Variants in C1orf141 observed in about 807,000 individuals in gnomAD.
The protein encoded by C1orf141 is uncharacterized protein C1orf141.
Under a neutral mutation model 23.2 loss-of-function variants are expected in C1orf141, and 19 were observed. The observed-to-expected ratio is 0.82, with a 90% CI of 0.57 to 1.20. C1orf141 has a LOEUF of 1.20. Among genes scored for constraint, C1orf141 ranks in the 50% most tolerant of loss-of-function variants. C1orf141 has a pLI of 0.00. For missense variants in C1orf141, 469 were observed against 455.1 expected, an observed-to-expected ratio of 1.03 and a Z score of -0.28; for synonymous variants, 153 against 154.6, an observed-to-expected ratio of 0.99 and a Z score of 0.08.
intron 5 of C1orf141, among the ~76,000 whole-genome samples, chr1:67,111,246 T>C (rs1035734958): frequency 2.6e-5 from 4 of 152,014 alleles, no homozygotes; most frequent in African/African-American, 9.7e-5. Flanking sequence ...AACAAATTGA[T>C]ATATATTTTT....
intron 5 of C1orf141, among the ~76,000 whole-genome samples, chr1:67,096,725 A>C (rs1645689343): frequency 6.6e-6 from 1 of 152,258 alleles, no homozygotes; most frequent in South Asian, 2.1e-4. Flanking sequence ...GCATCATCCA[A>C]GGTTGATCTC....
chr1:67,136,820 C>T (rs1023468863), upstream of C1orf141, among the ~76,000 whole-genome samples: 9 of 152,068 alleles, frequency 5.9e-5, no homozygotes, highest in African/African-American at 1.9e-4. Context: ...TAATATAACA[C>T]AAAGTACAAA....
rs58157985 is a variant in C1orf141 at position 67,109,326 on chromosome 1, C to CAAAAAA, written c.346+6020_346+6025dup. The stretch of plus-strand genomic sequence containing the variant: ...TGGGCGACAGAGCGAGACTCCGTCT[C>CAAAAAA]AAAAAAAAAAAAAAAAAAAAAAAAA... On this transcript the variant is annotated intron_variant, in intron 5 of 7. Transcript: ENST00000684719. 2.6e-3 allele frequency among the ~76,000 whole-genome samples: 213 copies of CAAAAAA among 83,406 alleles called. 5 individuals are homozygous for CAAAAAA. Among genetic ancestry groups the CAAAAAA allele is most frequent in the African/African-American group, 9.9e-3 (200 of 20,300 alleles). 54.7% of individuals were successfully genotyped at this position (83,406 alleles called of 152,430 possible).
chr1:67,103,192 GC>G, intron 5 of C1orf141: 1 of 1,059,002 alleles, frequency 9.4e-7, no homozygotes, highest in Non-Finnish European at 1.3e-6. Context: ...AATTTTAGGT[GC>G]AGATAACTTT....
chr1:67,125,664 A>T, intron 4 of C1orf141, 88 bp downstream of exon 4: 3 of 1,261,084 alleles, frequency 2.4e-6, no homozygotes, highest in Non-Finnish European at 1.2e-6. Flanking sequence ...GCACCACTGC[A>T]CTCTACCCTA....
intron 1 of C1orf141, among the ~76,000 whole-genome samples, chr1:67,140,344 A>G (rs558563676): frequency 2.8e-4 from 42 of 152,356 alleles, no homozygotes; most frequent in African/African-American, 8.9e-4. Flanking sequence ...GTATAAACAA[A>G]GAGTATCTTA....
At chr1:67,103,729 A>G (rs1368378223) in intron 5 of C1orf141, among the ~76,000 whole-genome samples, 1 of 152,136 alleles carries the variant, frequency 6.6e-6, no homozygotes, top group African/African-American at 2.4e-5. Context: ...ATGCTGGGAA[A>G]TAAAGCCTTC....
intron 7 of C1orf141, chr1:67,094,803 T>C (rs1176706146): frequency 1.3e-5 from 2 of 154,352 alleles, no homozygotes; most frequent in African/African-American, 2.4e-5. Context: ...CACATGGTCA[T>C]GGTCCCATCA....
intron 5 of C1orf141, chr1:67,113,538 TA>T (rs1313303611): frequency 1.1e-5 from 3 of 285,156 alleles, no homozygotes; most frequent in African/African-American, 6.8e-5. Flanking sequence ...GCTAATTTTG[TA>T]TTTTTAGTAC....
chr1:67,114,978 C>A (rs1046300227), intron 5 of C1orf141, among the ~76,000 whole-genome samples: 1 of 152,096 alleles, frequency 6.6e-6, no homozygotes, highest in African/African-American at 2.4e-5. Flanking sequence ...GCCCACCCAG[C>A]CAGATTCCTA....
Position 67,096,252 on chromosome 1 carries a change from C to T in C1orf141, c.416G>A (p.Arg139Lys), listed in dbSNP as rs749983187. The T allele has an allele frequency of 7.2e-7, 1 of 1,395,044 alleles. No homozygotes were observed. Among genetic ancestry groups the T allele is most frequent in the South Asian group, 1.3e-5 (1 of 79,326 alleles). The allele number at this position is 1,395,044 out of a possible 1,614,324, so 86.4% of individuals were successfully genotyped here. Residue 139 changes from arginine to lysine, a missense_variant and splice_region_variant, in exon 6 of 8, where the codon AGA (arginine) becomes AAA (lysine). Physicochemically the swap from Arg to Lys is conservative, Grantham distance 26. This residue lies in a region of C1orf141 where 370 missense variants were observed against 348.1 expected (regional missense o/e 1.06). Coordinates refer to ENST00000684719, the MANE Select transcript of C1orf141 (RefSeq NM_001276351.2). ...TATTAAGCATTTTAAAATAAATTAC[C>T]TTTTATTTCTATCACCTTCTAAGAG... ...VGLLEGDRNK[R>K]KKSPQMNDFN...
chr1:67,092,926 T>A lies in C1orf141; in HGVS notation c.*79A>T. ...TATGATCAATTAGAACATTACTATT[T>A]GGATAAGAATTTCTTTTATAATTTT... On this transcript the variant is annotated 3_prime_UTR_variant, in exon 8 of 8. Transcript: ENST00000684719. The A allele has an allele frequency of 8.9e-7, 1 of 1,120,930 alleles. No individual in the cohort carries two copies. Among genetic ancestry groups the A allele is most frequent in the Non-Finnish European group, 1.3e-6 (1 of 782,958 alleles). The allele number at this position is 1,120,930 out of a possible 1,614,324, so 69.4% of individuals were successfully genotyped here. A position where few individuals can be genotyped will look rare whatever the true frequency, so the allele number is the denominator to read the frequency against.
intron 4 of C1orf141, chr1:67,123,047 C>G (rs1452570710): frequency 6.6e-6 from 1 of 151,880 alleles, no homozygotes; most frequent in Non-Finnish European, 1.5e-5. Context: ...ACTAAAAATA[C>G]AAAACATTAG....
intron 5 of C1orf141, among the ~76,000 whole-genome samples, chr1:67,101,131 T>C (rs1182494507): frequency 6.6e-6 from 1 of 152,140 alleles, no homozygotes. Flanking sequence ...CTTTGCACAG[T>C]TATCGTTGGT....
intron 5 of C1orf141, among the ~76,000 whole-genome samples, chr1:67,111,034 C>T (rs1646058572): frequency 6.6e-6 from 1 of 151,548 alleles, no homozygotes; most frequent in Non-Finnish European, 1.5e-5. Context: ...ATAAAAACTA[C>T]TGAATGATGT....
At chr1:67,130,288 T>C (rs1279776689) in intron 2 of C1orf141, among the ~76,000 whole-genome samples, 1 of 152,208 alleles carries the variant, frequency 6.6e-6, no homozygotes, top group East Asian at 1.9e-4. Flanking sequence ...AAGATTTCTA[T>C]TTTTCAGCAA....
At chr1:67,130,850 C>G (rs548675646) in intron 2 of C1orf141, among the ~76,000 whole-genome samples, 1 of 152,292 alleles carries the variant, frequency 6.6e-6, no homozygotes, top group East Asian at 1.9e-4. Flanking sequence ...TTTGCAAATT[C>G]TTTTCTCCCA....
At position 67,095,325 on chromosome 1, in the gene C1orf141, GC is replaced by G. The variant is rs759855256; in HGVS notation, c.512del (p.Ser171ThrfsTer11). The G allele has an allele frequency of 6.9e-6, 11 of 1,602,320 alleles. No individual in the cohort carries two copies. In the African/African-American group the frequency reaches 9.4e-5, roughly 14 times the overall value. On this transcript the variant is annotated frameshift_variant, in exon 7 of 8. Transcript: ENST00000684719. LOFTEE classifies it high-confidence loss of function. ...CATCCTCAAAGCACAACGGGAGCAA[GC>G]TTTTCTTTCTTACTGACCTATACTT... ...LSKYRSVRKKSLLPLCFEDEL... is the reference protein window; with the variant it reads ...LSKYRSVRKKXLLPLCFEDEL...
intron 5 of C1orf141, among the ~76,000 whole-genome samples, chr1:67,112,321 G>A (rs1646091165): frequency 6.6e-6 from 1 of 152,182 alleles, no homozygotes; most frequent in Non-Finnish European, 1.5e-5. Context: ...TCAACTATAT[G>A]CCAGACACTG....
Sources: gnomAD v4.1 joint callset for allele counts (sites outside exome capture counted in the v4.1 genomes callset) on GRCh38, gnomAD v4.1.1 for gene constraint, gnomAD v4.1.1 regional missense constraint, MANE v1.5 for transcripts, NCBI Gene and HGNC (gene_info 2026-07-23, HGNC 2026-07-21) for gene names.